MCTP1: variants seen among roughly 807,000 people sequenced by gnomAD.
The protein encoded by MCTP1 is multiple C2 and transmembrane domain containing 1.
Under a neutral mutation model 120.6 loss-of-function variants are expected in MCTP1, and 69 were observed. The ratio of observed to expected loss-of-function variants is 0.57; its 90% CI spans 0.47 to 0.70. The LOEUF (loss-of-function observed/expected upper bound fraction) is 0.70. Ranked by LOEUF, MCTP1 falls within the 30% of genes least tolerant of loss-of-function variation. The pLI is 0.00. For missense variants in MCTP1, 1,203 were observed against 1,248.8 expected, an observed-to-expected ratio of 0.96 and a Z score of 0.55; for synonymous variants, 529 against 493.1, an observed-to-expected ratio of 1.07 and a Z score of -0.96.
At chr5:95,237,586 A>G (rs1054152102) in intron 1 of MCTP1, among the ~76,000 whole-genome samples, 11 of 152,196 alleles carry the variant, frequency 7.2e-5, no homozygotes, top group African/African-American at 2.7e-4. Flanking sequence ...CAAGAAAACC[A>G]GAGTTGAAAG....
At chr5:94,812,922 C>G (rs926296873) in intron 17 of MCTP1, among the ~76,000 whole-genome samples, 10 of 151,906 alleles carry the variant, frequency 6.6e-5, no homozygotes, top group Non-Finnish European at 1.3e-4. Flanking sequence ...CTCTCTCTCT[C>G]TCTGTATAAA....
intron 7 of MCTP1, among the ~76,000 whole-genome samples, chr5:94,922,040 G>A (rs1342680567): frequency 6.6e-6 from 1 of 152,064 alleles, no homozygotes; most frequent in East Asian, 1.9e-4. Flanking sequence ...CAGTGTGATG[G>A]GCCTTACTTT....
At chr5:94,720,364 A>G (rs1030569948) in intron 19 of MCTP1, among the ~76,000 whole-genome samples, 8 of 152,108 alleles carry the variant, frequency 5.3e-5, no homozygotes, top group African/African-American at 1.9e-4. Flanking sequence ...AAAAATCAAC[A>G]AATGCTACAA....
rs915051506 is a variant in MCTP1, at chr5:95,086,919, G to A, written c.721-69435C>T. On this transcript the variant is annotated intron_variant, in intron 1 of 22. Coordinates refer to ENST00000515393, the MANE Select transcript of MCTP1 (RefSeq NM_024717.7). ...GTTCCTTAAAGAAACCTCATGGTAA[G>A]TACATTTGCAAACAATGCATCCAAA... 5.3e-5 allele frequency among the ~76,000 whole-genome samples: 8 copies of A among 152,148 alleles called. No individual in the cohort carries two copies. In the East Asian group the frequency reaches 1.5e-3, roughly 29 times the overall value.
At chr5:95,113,362 TAA>T (rs746805503) in intron 1 of MCTP1, among the ~76,000 whole-genome samples, 4 of 151,996 alleles carry the variant, frequency 2.6e-5, no homozygotes, top group Non-Finnish European at 4.4e-5. Context: ...TTCATGTTAC[TAA>T]AAGAGGCACT....
At chr5:94,833,257 A>G (rs765839899) in intron 17 of MCTP1, among the ~76,000 whole-genome samples, 1 of 152,086 alleles carries the variant, frequency 6.6e-6, no homozygotes, top group South Asian at 2.1e-4. Context: ...TTCTAATGTT[A>G]TGATGCTAAT....
Position 94,869,815 on chromosome 5 carries a change from C to T in MCTP1, c.2316+602G>A, listed in dbSNP as rs186394568. Among the ~76,000 whole-genome samples the T allele has an allele frequency of 7.0e-4, 106 of 152,128 alleles. 1 individual carries two copies. Among genetic ancestry groups the T allele is most frequent in the African/African-American group, 2.5e-3 (103 of 41,526 alleles). On this transcript the variant is annotated intron_variant, in intron 16 of 22. Transcript: ENST00000515393. ...TTAAAATTATAAGCAATAGATATCA[C>T]GCTCAATTTAAATTCCCTTCATGAT...
intron 7 of MCTP1, among the ~76,000 whole-genome samples, chr5:94,922,997 C>CAAA (rs202245253): frequency 3.6e-4 from 36 of 99,530 alleles, no homozygotes; most frequent in Non-Finnish European, 5.8e-4. Context: ...TAAAAAGCTG[C>CAAA]AAAAAAAAAA....
At chr5:95,114,083 AGATC>A (rs1179788863) in intron 1 of MCTP1, among the ~76,000 whole-genome samples, 2 of 152,300 alleles carry the variant, frequency 1.3e-5, no homozygotes, top group African/African-American at 4.8e-5. Flanking sequence ...AGTCCTGGCA[AGATC>A]ATCAACTGCT....
intron 1 of MCTP1, among the ~76,000 whole-genome samples, chr5:95,053,257 A>C (rs1193564538): frequency 6.6e-6 from 1 of 152,162 alleles, no homozygotes; most frequent in African/African-American, 2.4e-5. Context: ...CTCCACCCCC[A>C]CTTAAATCAG....
At chr5:94,768,868 C>T (rs1353106731) in intron 19 of MCTP1, among the ~76,000 whole-genome samples, 2 of 152,142 alleles carry the variant, frequency 1.3e-5, no homozygotes, top group Non-Finnish European at 2.9e-5. Flanking sequence ...ATATGACCCA[C>T]AATCCCATTA....
chr5:95,262,210 T>A (rs1269114495), intron 1 of MCTP1, among the ~76,000 whole-genome samples: 2 of 152,156 alleles, frequency 1.3e-5, no homozygotes, highest in Non-Finnish European at 2.9e-5. Flanking sequence ...CGAGCTGAAA[T>A]TAAGGGAATC....
chr5:95,073,548 A>G (rs1752773152), intron 1 of MCTP1, among the ~76,000 whole-genome samples: 1 of 152,164 alleles, frequency 6.6e-6, no homozygotes, highest in Non-Finnish European at 1.5e-5. Context: ...TTGTTCACCT[A>G]TATCTTTCCA....
intron 1 of MCTP1, 26 bp from the exon 2 acceptor site, chr5:95,017,510 A>G (rs768447308): frequency 7.3e-7 from 1 of 1,369,170 alleles, no homozygotes; most frequent in South Asian, 1.3e-5. Context: ...TATAAAAAAT[A>G]TTAAATTTAT....
intron 1 of MCTP1, among the ~76,000 whole-genome samples, chr5:95,226,221 C>T (rs1754247577): frequency 1.3e-5 from 2 of 152,040 alleles, no homozygotes; most frequent in African/African-American, 4.8e-5. Context: ...AATCTGGACC[C>T]AAGGATATTT....
At chr5:95,126,480 C>A (rs1758644605) in intron 1 of MCTP1, among the ~76,000 whole-genome samples, 1 of 152,152 alleles carries the variant, frequency 6.6e-6, no homozygotes, top group East Asian at 1.9e-4. Flanking sequence ...AAAAACTCTA[C>A]CTCAATGAAA....
At chr5:94,769,227 G>A (rs1773512486) in intron 19 of MCTP1, among the ~76,000 whole-genome samples, 1 of 152,112 alleles carries the variant, frequency 6.6e-6, no homozygotes, top group Non-Finnish European at 1.5e-5. Flanking sequence ...GTTACTAGAG[G>A]CTGGGAAGCG....
intron 10 of MCTP1, among the ~76,000 whole-genome samples, chr5:94,899,418 G>A (rs1804919199): frequency 6.6e-6 from 1 of 152,130 alleles, no homozygotes; most frequent in Non-Finnish European, 1.5e-5. Flanking sequence ...CCCACCTAGG[G>A]CTGGCTGATC....
intron 1 of MCTP1, among the ~76,000 whole-genome samples, chr5:95,102,877 G>A (rs1485778718): frequency 6.6e-6 from 1 of 152,154 alleles, no homozygotes; most frequent in East Asian, 1.9e-4. Context: ...TTGGGAAACT[G>A]GAACCGGAGT....
Sources: gnomAD v4.1 joint callset for allele counts (sites outside exome capture counted in the v4.1 genomes callset) on GRCh38, gnomAD v4.1.1 for gene constraint, MANE v1.5 for transcripts, NCBI Gene and HGNC (gene_info 2026-07-23, HGNC 2026-07-21) for gene names.